The following HECW1 variants were observed in gnomAD, a reference collection of about 807,000 sequenced individuals.
The protein encoded by HECW1 is HECT, C2 and WW domain containing E3 ubiquitin protein ligase 1.
Under a neutral mutation model 182.3 loss-of-function variants are expected in HECW1, and 61 were observed. The ratio of observed to expected loss-of-function variants is 0.33; its 90% CI spans 0.27 to 0.41. The LOEUF (loss-of-function observed/expected upper bound fraction) is 0.41, where lower values mean the gene tolerates loss of function less well. HECW1 is among the 10% of genes least tolerant of loss of function. HECW1 has a pLI of 1.00. For synonymous variants in HECW1, 859 were observed against 832.6 expected (o/e 1.03, Z -0.55); for missense variants, 1,739 against 2,108.9 (o/e 0.82, Z 3.44).
intron 2 of HECW1, among the ~76,000 whole-genome samples, chr7:43,209,955 T>C (rs1795856179): frequency 6.6e-6 from 1 of 152,152 alleles, no homozygotes; most frequent in Non-Finnish European, 1.5e-5. Flanking sequence ...GAGTGGAACT[T>C]TAACCAAAGG....
At chr7:43,235,243 C>T (rs1327781022) in intron 2 of HECW1, among the ~76,000 whole-genome samples, 4 of 152,278 alleles carry the variant, frequency 2.6e-5, no homozygotes, top group African/African-American at 9.6e-5. Flanking sequence ...GGGTGAAATC[C>T]ACAGAGAGTA....
chr7:43,205,124 C>T (rs1420094057), intron 2 of HECW1, among the ~76,000 whole-genome samples: 3 of 151,732 alleles, frequency 2.0e-5, no homozygotes, highest in South Asian at 2.1e-4. Flanking sequence ...CGCACTATTG[C>T]CCGGGCTGGA....
intron 21 of HECW1, 35 bp from the exon 22 acceptor site, chr7:43,507,102 A>C (rs201742349): frequency 6.3e-7 from 1 of 1,588,918 alleles, no homozygotes; most frequent in East Asian, 2.2e-5. Flanking sequence ...AGAAGAAGAA[A>C]GAAAGTGATG....
At chr7:43,348,358 T>C (rs1034973114) in intron 5 of HECW1, among the ~76,000 whole-genome samples, 1 of 152,204 alleles carries the variant, frequency 6.6e-6, no homozygotes, top group African/African-American at 2.4e-5. Context: ...TCAGTTGTAA[T>C]ATCTCCTGTT....
intron 6 of HECW1, among the ~76,000 whole-genome samples, chr7:43,392,355 C>A (rs2075064882): frequency 6.6e-6 from 1 of 152,146 alleles, no homozygotes; most frequent in Non-Finnish European, 1.5e-5. Flanking sequence ...ATTGGAAATG[C>A]CATATGCACT....
chr7:43,181,669 A>C (rs1264101904), intron 2 of HECW1, among the ~76,000 whole-genome samples: 2 of 150,860 alleles, frequency 1.3e-5, no homozygotes, highest in Non-Finnish European at 2.9e-5. Flanking sequence ...TGTTCATTTT[A>C]AAATTGAATT....
At chr7:43,523,053 G>C (rs761260332) in intron 24 of HECW1, 1 of 446,558 alleles carries the variant, frequency 2.2e-6, no homozygotes, top group African/African-American at 2.0e-5. Context: ...CCCCAGGCTA[G>C]AGTGCAATGG....
chr7:43,300,268 A>G (rs1450626220), intron 3 of HECW1, among the ~76,000 whole-genome samples: 1 of 152,218 alleles, frequency 6.6e-6, no homozygotes, highest in Non-Finnish European at 1.5e-5. Flanking sequence ...CAGTCCTCCT[A>G]TCACAGCCTG....
At chr7:43,194,757 G>A (rs912616416) in intron 2 of HECW1, among the ~76,000 whole-genome samples, 7 of 150,914 alleles carry the variant, frequency 4.6e-5, no homozygotes, top group Non-Finnish European at 1.0e-4. Flanking sequence ...GCAATGGCAC[G>A]ATCTCGGCTC....
chr7:43,354,111 A>G (rs1000130734), intron 5 of HECW1, among the ~76,000 whole-genome samples: 1 of 151,662 alleles, frequency 6.6e-6, no homozygotes, highest in Admixed American at 6.6e-5. Flanking sequence ...GGAGGCAATT[A>G]TTTATAGTAG....
chr7:43,441,291 G>A (rs1394632511), intron 9 of HECW1, among the ~76,000 whole-genome samples: 1 of 152,180 alleles, frequency 6.6e-6, no homozygotes, highest in Non-Finnish European at 1.5e-5. Context: ...GTCCCTACAT[G>A]TGGAGCCCTG....
chr7:43,432,262 C>T lies in HECW1; in HGVS notation c.802-5741C>T, dbSNP rs1234602037. Among the ~76,000 whole-genome samples the T allele has an allele frequency of 1.3e-5, 2 of 151,314 alleles. No individual in the cohort carries two copies. Among genetic ancestry groups the T allele is most frequent in the East Asian group, 3.9e-4 (2 of 5,150 alleles). On this transcript the variant is annotated intron_variant, in intron 8 of 29. Coordinates refer to ENST00000395891, the MANE Select transcript of HECW1 (RefSeq NM_015052.5). This position sits in a 1 kb window ranked among gnomAD's most constrained non-coding sequence, Gnocchi z 4.1. Reference sequence around the variant, plus strand: ...TCACGCCATTCTCCTGCCTCAGCCTCCCAAGTAGCTGGGACTACAGGCGCC... The same window carrying T: ...TCACGCCATTCTCCTGCCTCAGCCTTCCAAGTAGCTGGGACTACAGGCGCC...
chr7:43,475,880 C>CTTGGTAAACTAAGAATGTAAATATGTT (rs2078203763), intron 16 of HECW1, among the ~76,000 whole-genome samples: 1 of 152,118 alleles, frequency 6.6e-6, no homozygotes, highest in African/African-American at 2.4e-5. Flanking sequence ...AACAAATACT[C>CTTGGTAAACTAAGAATGTAAATATGTT]TTGGTAAACT....
chr7:43,334,184 T>G (rs1017036001), intron 5 of HECW1, among the ~76,000 whole-genome samples: 12 of 152,168 alleles, frequency 7.9e-5, no homozygotes, highest in Non-Finnish European at 1.8e-4. Context: ...CCTGAGTACT[T>G]TCGCAGCTTC....
chr7:43,468,810 A>T lies in HECW1; in HGVS notation c.2914-110A>T. The T allele has an allele frequency of 3.2e-6, 3 of 944,462 alleles. No individual in the cohort carries two copies. The Middle Eastern group carries it at 6.6e-4, about 207-fold the overall frequency. The allele number at this position is 944,462 out of a possible 1,614,324, so 58.5% of individuals were successfully genotyped here. The stretch of plus-strand genomic sequence containing the variant: ...AGGCCTCTACCTCACACTCACAATA[A>T]ACTGCTGTGTCACAATCACACTTAG... On this transcript the variant is annotated intron_variant, in intron 15 of 29. Transcript: ENST00000395891.
chr7:43,352,022 G>A (rs565014994), intron 5 of HECW1, among the ~76,000 whole-genome samples: 7 of 152,046 alleles, frequency 4.6e-5, no homozygotes, highest in African/African-American at 1.4e-4. Flanking sequence ...CCCTTAACCC[G>A]GCAAACCTGT....
chr7:43,114,942 G>A (rs945991020), intron 2 of HECW1, among the ~76,000 whole-genome samples: 1 of 152,320 alleles, frequency 6.6e-6, no homozygotes, highest in South Asian at 2.1e-4. Flanking sequence ...TGTATTACAA[G>A]ATCACTTTGA....
intron 11 of HECW1, 45 bp downstream of exon 11, chr7:43,445,615 G>A (rs762314380): frequency 1.4e-6 from 2 of 1,480,786 alleles, no homozygotes; most frequent in South Asian, 2.7e-5. Context: ...ACCATCAGGG[G>A]GACAAAGGTG....
rs909905024 is a variant in HECW1 at position 43,334,007 on chromosome 7, A to G, written c.460+13265A>G. ...AACGGATGTTAGAAAAGCAGTGGAA[A>G]GGGAGAATTTTCACTTTTTCCACTT... is the stretch of plus-strand genomic sequence containing the variant. On this transcript the variant is annotated intron_variant, in intron 5 of 29. Coordinates refer to ENST00000395891, the MANE Select transcript of HECW1 (RefSeq NM_015052.5). Among the ~76,000 whole-genome samples the G allele has an allele frequency of 2.2e-4, 33 of 152,210 alleles. 1 individual carries two copies. The highest frequency in any genetic ancestry group is 9.2e-4 in the Admixed American group (14 of 15,286).
Sources: gnomAD v4.1 joint callset for allele counts (sites outside exome capture counted in the v4.1 genomes callset) on GRCh38, gnomAD v4.1.1 for gene constraint, Gnocchi (gnomAD v3.1) non-coding constraint, MANE v1.5 for transcripts, NCBI Gene and HGNC (gene_info 2026-07-23, HGNC 2026-07-21) for gene names.